Variants in ING1 observed in about 807,000 individuals in gnomAD.
The protein encoded by ING1 is inhibitor of growth family member 1.
In ING1, 4 loss-of-function variants were observed where a neutral mutation model predicts 23.1. The observed-to-expected ratio is 0.17, with a 90% CI of 0.09 to 0.40. The LOEUF (loss-of-function observed/expected upper bound fraction) is 0.40, where lower values mean the gene tolerates loss of function less well. Among genes scored for constraint, ING1 ranks in the 10% least tolerant of loss-of-function variants. The pLI is 1.00. For synonymous variants in ING1, 179 were observed against 166.4 expected, an observed-to-expected ratio of 1.08 and a Z score of -0.58; for missense variants, 256 against 393.8, an observed-to-expected ratio of 0.65 and a Z score of 2.96.
chr13:110,713,636 G>T (rs959831975), upstream of ING1: 10 of 984,904 alleles, frequency 1.0e-5, no homozygotes, highest in African/African-American at 1.6e-4. Context: ...GGGGGAGGGG[G>T]CCGGGGCGCA....
Position 110,722,944 on chromosome 13 carries a change from T to G in ING1, c.*3012T>G, listed in dbSNP as rs1008199740. ...AGGACAAAAATGGTACTGAATTCTT[T>G]TTGAAAAATAGATTACTGAAAAGCG... On this transcript the variant is annotated 3_prime_UTR_variant, in exon 2 of 2. Transcript: ENST00000333219. 1 of 152,224 alleles carries G rather than the reference T, an allele frequency of 6.6e-6. No individual in the cohort carries two copies. Among genetic ancestry groups the G allele is most frequent in the Non-Finnish European group, 1.5e-5 (1 of 68,048 alleles). 9.4% of individuals were successfully genotyped at this position (152,224 alleles called of 1,614,324 possible).
upstream of ING1, chr13:110,712,648 G>T: frequency 3.4e-6 from 2 of 594,514 alleles, no homozygotes; most frequent in Non-Finnish European, 6.3e-6. Flanking sequence ...ACGCGGGGGA[G>T]GGCGGTCCGG....
At chr13:110,715,619 C>A (rs371110132) in intron 1 of ING1, 1 of 1,613,952 alleles carries the variant, frequency 6.2e-7, no homozygotes, top group Non-Finnish European at 8.5e-7. Flanking sequence ...GTCTTCGGGT[C>A]GCTCGGCCTC....
rs1219445304 is a variant in ING1, at chr13:110,720,906, G to A, written c.*974G>A. ...GTTCTCACTTATTATTAATAATGAA[G>A]TAGAAGTTACTTAATTGCCAGCAAA... On this transcript the variant is annotated 3_prime_UTR_variant, in exon 2 of 2. Transcript: ENST00000333219. 1 of 167,086 alleles carries A rather than the reference G, an allele frequency of 6.0e-6. No individual in the cohort carries two copies. Among genetic ancestry groups the A allele is most frequent in the Non-Finnish European group, 1.5e-5 (1 of 68,118 alleles). The allele number at this position is 167,086 out of a possible 1,614,324, so 10.4% of individuals were successfully genotyped here.
rs574765233 is a variant in ING1 at position 110,717,759 on chromosome 13, A to G, written c.137-1470A>G. Among the ~76,000 whole-genome samples the G allele has an allele frequency of 2.0e-5, 3 of 152,256 alleles. No homozygotes were observed. In the South Asian group the frequency reaches 6.2e-4, roughly 32 times the overall value. ...GGAGAATCGCTTGAACCTGGGAGGC[A>G]GGTTGCAGTGAGCTGAGATCGCGCC... is the stretch of plus-strand genomic sequence containing the variant. On this transcript the variant is annotated intron_variant, in intron 1 of 1. Transcript: ENST00000333219.
rs529752322 is a variant in ING1 at position 110,722,823 on chromosome 13, A to C, written c.*2891A>C. On this transcript the variant is annotated 3_prime_UTR_variant, in exon 2 of 2. Transcript: ENST00000333219. ...ATCACTCTTGTTATTTCCAGTGGAC[A>C]TTAAAAAAAAATCACAGATAAGTAC... 2 of 152,218 alleles carry C rather than the reference A, an allele frequency of 1.3e-5. No individual in the cohort carries two copies. Among genetic ancestry groups the C allele is most frequent in the African/African-American group, 2.4e-5 (1 of 41,454 alleles). 9.4% of individuals were successfully genotyped at this position (152,218 alleles called of 1,614,324 possible).
rs2064148500 is a variant in ING1 at position 110,719,096 on chromosome 13, G to A, written c.137-133G>A. 3 of 730,886 alleles carry A rather than the reference G, an allele frequency of 4.1e-6. No individual in the cohort carries two copies. Among genetic ancestry groups the A allele is most frequent in the South Asian group, 1.8e-5 (1 of 55,706 alleles). 45.3% of individuals were successfully genotyped at this position (730,886 alleles called of 1,614,324 possible). Reference sequence around the variant, plus strand: ...ATAGGCCCGGGAGAGCCTGTGGCTGGTGGGCTTTGTTCTGGGCAAGCCGTG... The same window carrying A: ...ATAGGCCCGGGAGAGCCTGTGGCTGATGGGCTTTGTTCTGGGCAAGCCGTG... On this transcript the variant is annotated intron_variant, in intron 1 of 1. Coordinates refer to ENST00000333219, the MANE Select transcript of ING1 (RefSeq NM_198219.3). The surrounding 1 kb of genome is among the most constrained non-coding windows in gnomAD (Gnocchi z 8.9).
At chr13:110,715,736 T>C in intron 1 of ING1, 1 of 1,585,196 alleles carries the variant, frequency 6.3e-7, no homozygotes, top group Non-Finnish European at 8.6e-7. Context: ...GCGATTCCCA[T>C]AGGCGGCGGC....
At chr13:110,715,677 C>T in intron 1 of ING1, 2 of 1,605,970 alleles carry the variant, frequency 1.2e-6, no homozygotes, top group Non-Finnish European at 1.7e-6. Context: ...CGTGCTCTTC[C>T]GCCCTGCGGT....
chr13:110,715,317 T>C (rs1205642922), intron 1 of ING1: 3 of 1,432,346 alleles, frequency 2.1e-6, no homozygotes, highest in Middle Eastern at 2.6e-4. Flanking sequence ...CCGAAAGTAC[T>C]AGACGCCTCT....
Position 110,719,973 on chromosome 13 carries a change from C to T in ING1, c.*41C>T, listed in dbSNP as rs372407664. On this transcript the variant is annotated 3_prime_UTR_variant, in exon 2 of 2. Transcript: ENST00000333219. The surrounding 1 kb of genome is among the most constrained non-coding windows in gnomAD (Gnocchi z 8.9). ...CTGGTGTGAGGAGGACAAAATAAAC[C>T]GTGTATTTATTACATTGCTGCCTTT... is the stretch of plus-strand genomic sequence containing the variant. The T allele has an allele frequency of 3.1e-5, 44 of 1,400,410 alleles. 1 individual carries two copies. In the South Asian group the frequency reaches 5.3e-4, roughly 17 times the overall value. 86.7% of individuals were successfully genotyped at this position (1,400,410 alleles called of 1,614,324 possible). A position where few individuals can be genotyped will look rare whatever the true frequency, so the allele number is the denominator to read the frequency against.
chr13:110,715,644 T>C, intron 1 of ING1: 1 of 1,613,394 alleles, frequency 6.2e-7, no homozygotes, highest in Non-Finnish European at 8.5e-7. Context: ...CTTGGATTGG[T>C]TCTTCTCGCT....
upstream of ING1, chr13:110,713,011 A>G (rs951472654): frequency 4.6e-6 from 7 of 1,530,204 alleles, no homozygotes; most frequent in Admixed American, 5.9e-5. Context: ...GCCGCAGCTC[A>G]AAGGACACCG....
rs9588246 is a variant in ING1 at position 110,720,113 on chromosome 13, G to A, written c.*181G>A. ...GCCTTTTGTTTTCATTGGTACACGT[G>A]TAACAAGAAAGTGGTCTGTGGATCA... On this transcript the variant is annotated 3_prime_UTR_variant, in exon 2 of 2. Coordinates refer to ENST00000333219, the MANE Select transcript of ING1 (RefSeq NM_198219.3). The A allele has an allele frequency of 0.015, 7,473 of 505,592 alleles. 377 individuals are homozygous for A. The highest frequency in any genetic ancestry group is 0.12 in the African/African-American group (5,868 of 50,046). 31.3% of individuals were successfully genotyped at this position (505,592 alleles called of 1,614,324 possible).
At chr13:110,715,709 C>A in intron 1 of ING1, 1 of 1,591,806 alleles carries the variant, frequency 6.3e-7, no homozygotes, top group East Asian at 2.3e-5. Flanking sequence ...TCCTCCTGGC[C>A]TCCGCCCTCC....
chr13:110,713,800 T>TG lies in ING1; in HGVS notation c.-347dup. Reference sequence around the variant, plus strand: ...TCTTCTACCCAGCCCAGTGGGCGAGTGGGCAGCGGCGGCCGCGGCGCTGGG... The same window carrying TG: ...TCTTCTACCCAGCCCAGTGGGCGAGTGGGGCAGCGGCGGCCGCGGCGCTGGG... On this transcript the variant is annotated 5_prime_UTR_variant, in exon 1 of 2. Transcript: ENST00000333219. The TG allele has an allele frequency of 1.0e-6, 1 of 984,096 alleles. No homozygotes were observed. The highest frequency in any genetic ancestry group is 1.2e-6 in the Non-Finnish European group (1 of 829,280). The allele number at this position is 984,096 out of a possible 1,614,324, so 61.0% of individuals were successfully genotyped here. A position where few individuals can be genotyped will look rare whatever the true frequency, so the allele number is the denominator to read the frequency against.
At position 110,715,423 on chromosome 13, in the gene ING1, GC is replaced by G. The variant is rs764938312; in HGVS notation, c.136+1144del. ...GCATATTATGGAACGTCCCGCCTCA[GC>G]CCCCCAGTAGTTGGCTGTGATGTCC... On this transcript the variant is annotated intron_variant, in intron 1 of 1. Coordinates refer to ENST00000333219, the MANE Select transcript of ING1 (RefSeq NM_198219.3). 3.2e-6 allele frequency: 5 copies of G among 1,550,902 alleles called. No homozygotes were observed. The South Asian group carries it at 3.6e-5, about 11-fold the overall frequency.
intron 1 of ING1, chr13:110,716,083 C>T (rs905153798): frequency 2.1e-6 from 3 of 1,424,090 alleles, no homozygotes; most frequent in Non-Finnish European, 2.8e-6. Flanking sequence ...GTCCTCGGGC[C>T]GGACGGGCCC....
At chr13:110,715,686 G>A (rs553018708) in intron 1 of ING1, 43 of 1,602,466 alleles carry the variant, frequency 2.7e-5, no homozygotes, top group Non-Finnish European at 3.7e-5. Flanking sequence ...CCGCCCTGCG[G>A]TGTGGTTGGT....
Sources: gnomAD v4.1 joint callset for allele counts (sites outside exome capture counted in the v4.1 genomes callset) on GRCh38, gnomAD v4.1.1 for gene constraint, Gnocchi (gnomAD v3.1) non-coding constraint, MANE v1.5 for transcripts, NCBI Gene and HGNC (gene_info 2026-07-23, HGNC 2026-07-21) for gene names.